Variants in KAT6B observed in about 807,000 individuals in gnomAD.
KAT6B encodes histone acetyltransferase KAT6B.
In KAT6B, 10 loss-of-function variants were observed where a neutral mutation model predicts 187.5. The observed-to-expected ratio is 0.05, with a 90% CI of 0.03 to 0.09. KAT6B has a LOEUF of 0.09. Ranked by LOEUF, KAT6B falls within the 10% of genes least tolerant of loss-of-function variation. KAT6B has a pLI of 1.00. For synonymous variants in KAT6B, 861 were observed against 926.8 expected, an observed-to-expected ratio of 0.93 and a Z score of 1.29; for missense variants, 1,952 against 2,558.9, an observed-to-expected ratio of 0.76 and a Z score of 5.12.
chr10:74,924,888 A>G (rs1279299128), intron 3 of KAT6B, among the ~76,000 whole-genome samples: 1 of 151,886 alleles, frequency 6.6e-6, no homozygotes, highest in Non-Finnish European at 1.5e-5. Context: ...TCAGTTTGCT[A>G]TACTGAATTT....
intron 3 of KAT6B, among the ~76,000 whole-genome samples, chr10:74,847,907 T>C (rs1412412237): frequency 6.7e-6 from 1 of 149,860 alleles, no homozygotes; most frequent in Non-Finnish European, 1.5e-5. Context: ...TCTTTTTTTT[T>C]CTTTTTCTTT....
At chr10:75,012,321 C>G (rs1844665841) in intron 13 of KAT6B, among the ~76,000 whole-genome samples, 2 of 152,162 alleles carry the variant, frequency 1.3e-5, no homozygotes, top group South Asian at 2.1e-4. Flanking sequence ...GTGGTATGCA[C>G]TTGTTGTCCC....
intron 3 of KAT6B, among the ~76,000 whole-genome samples, chr10:74,938,259 G>A (rs1849405498): frequency 6.6e-6 from 1 of 152,152 alleles, no homozygotes; most frequent in Admixed American, 6.5e-5. Flanking sequence ...CACTGTATCA[G>A]AATCTGCATT....
At chr10:74,952,747 C>T (rs1376638171) in intron 3 of KAT6B, among the ~76,000 whole-genome samples, 17 of 150,434 alleles carry the variant, frequency 1.1e-4, no homozygotes, top group South Asian at 2.1e-4. Flanking sequence ...AGTATAATGG[C>T]GCGGTCTTGG....
chr10:74,997,766 CAG>C (rs1338353378), intron 13 of KAT6B, among the ~76,000 whole-genome samples: 1 of 151,808 alleles, frequency 6.6e-6, no homozygotes, highest in Admixed American at 6.6e-5. Context: ...GGAACTTTGA[CAG>C]TGTGTATCAA....
chr10:74,900,796 G>T (rs886996564), intron 3 of KAT6B, among the ~76,000 whole-genome samples: 9 of 152,218 alleles, frequency 5.9e-5, no homozygotes, highest in African/African-American at 1.9e-4. Context: ...AACAGCGTAA[G>T]AATTATTCAT....
chr10:74,997,797 T>C (rs563296875), intron 13 of KAT6B, among the ~76,000 whole-genome samples: 1 of 152,252 alleles, frequency 6.6e-6, no homozygotes, highest in Admixed American at 6.5e-5. Context: ...AATGGTTTTT[T>C]TTTTTAATAA....
intron 3 of KAT6B, among the ~76,000 whole-genome samples, chr10:74,958,844 C>T (rs1172177962): frequency 6.6e-6 from 1 of 151,602 alleles, no homozygotes; most frequent in Non-Finnish European, 1.5e-5. Flanking sequence ...TCGAGACCAT[C>T]CTGACCAACA....
At chr10:74,944,739 G>A (rs953509331) in intron 3 of KAT6B, among the ~76,000 whole-genome samples, 6 of 150,476 alleles carry the variant, frequency 4.0e-5, no homozygotes, top group African/African-American at 1.5e-4. Context: ...AGCCCAGGGG[G>A]CGGAGCTTGC....
chr10:74,895,792 G>C (rs1450672746), intron 3 of KAT6B, among the ~76,000 whole-genome samples: 5 of 152,082 alleles, frequency 3.3e-5, no homozygotes, highest in African/African-American at 1.2e-4. Context: ...GGGATTATAG[G>C]CATGAGCCAC....
At chr10:74,893,632 G>C (rs904386806) in intron 3 of KAT6B, among the ~76,000 whole-genome samples, 9 of 151,842 alleles carry the variant, frequency 5.9e-5, no homozygotes, top group African/African-American at 2.2e-4. Context: ...ACCACGCCCA[G>C]CTAATTTTTG....
intron 3 of KAT6B, among the ~76,000 whole-genome samples, chr10:74,934,186 CAAAAAAAA>C (rs386371842): frequency 4.3e-5 from 3 of 69,392 alleles, no homozygotes; most frequent in African/African-American, 1.3e-4. Context: ...ACTCCGTCTC[CAAAAAAAA>C]AAAAAAAAAA....
At position 75,030,250 on chromosome 10, in the gene KAT6B, C is replaced by T. The variant is rs780359970; in HGVS notation, c.5426C>T (p.Pro1809Leu). Residue 1809 changes from proline to leucine, a missense_variant, in exon 18 of 18, where the codon CCG (proline) becomes CTG (leucine). By Grantham distance (98) the Pro-to-Leu change is moderately conservative. Around this residue, in one of 9 missense-constraint regions of KAT6B, gnomAD observed 358 missense variants for 436.3 expected, o/e 0.82. Transcript: ENST00000287239. The surrounding 1 kb of genome is among the most constrained non-coding windows in gnomAD (Gnocchi z 4.8). ...GQSDFGAGHY[P>L]QPSATFSLAK... ...AGTGATTTTGGGGCTGGGCATTACC[C>T]GCAGCCGTCAGCCACCTTCAGCCTT... The T allele has an allele frequency of 5.6e-6, 9 of 1,614,106 alleles. No homozygotes were observed. The highest frequency in any genetic ancestry group is 1.3e-5 in the African/African-American group (1 of 74,944).
In KAT6B at chr10:75,021,026, C is replaced by T. The variant is rs974773329; in HGVS notation, c.2862-100C>T. Reference sequence around the variant, plus strand: ...CTCATTGAGGTGCTTTCTGATTTTTCCTAACGCAGATAACATTAGTGCTAG... The same window carrying T: ...CTCATTGAGGTGCTTTCTGATTTTTTCTAACGCAGATAACATTAGTGCTAG... On this transcript the variant is annotated intron_variant, in intron 14 of 17. Coordinates refer to ENST00000287239, the MANE Select transcript of KAT6B (RefSeq NM_012330.4). 16 of 1,233,674 alleles carry T rather than the reference C, an allele frequency of 1.3e-5. 1 individual carries two copies. The South Asian group carries it at 1.3e-4, about 10-fold the overall frequency. 76.4% of individuals were successfully genotyped at this position (1,233,674 alleles called of 1,614,324 possible). A position where few individuals can be genotyped will look rare whatever the true frequency, so the allele number is the denominator to read the frequency against.
At chr10:74,859,659 G>A (rs1843042319) in intron 3 of KAT6B, among the ~76,000 whole-genome samples, 1 of 152,192 alleles carries the variant, frequency 6.6e-6, no homozygotes, top group Admixed American at 6.5e-5. Flanking sequence ...AGAATAACTA[G>A]TTAGCTTAAT....
chr10:74,948,166 A>C (rs1222834597), intron 3 of KAT6B, among the ~76,000 whole-genome samples: 1 of 152,258 alleles, frequency 6.6e-6, no homozygotes, highest in Non-Finnish European at 1.5e-5. Context: ...AGTCAGGAGC[A>C]TGGAAATTCT....
At chr10:75,012,619 G>A (rs896376828) in intron 13 of KAT6B, among the ~76,000 whole-genome samples, 13 of 152,160 alleles carry the variant, frequency 8.5e-5, no homozygotes, top group African/African-American at 1.9e-4. Context: ...TCAACACAGG[G>A]GCGGTGCAGA....
At chr10:74,854,366 A>G (rs1842681171) in intron 3 of KAT6B, among the ~76,000 whole-genome samples, 1 of 152,218 alleles carries the variant, frequency 6.6e-6, no homozygotes, top group African/African-American at 2.4e-5. Context: ...GGGCAGAAGC[A>G]CTTTACCAGA....
chr10:74,968,928 G>A (rs1841668030), intron 4 of KAT6B, among the ~76,000 whole-genome samples: 1 of 152,122 alleles, frequency 6.6e-6, no homozygotes, highest in African/African-American at 2.4e-5. Flanking sequence ...CTGGTGTGTG[G>A]AGCGCTGCTA....
Sources: allele counts gnomAD v4.1 joint callset (sites outside exome capture counted in the v4.1 genomes callset), GRCh38; gene constraint gnomAD v4.1.1; regional missense constraint gnomAD v4.1.1; non-coding constraint Gnocchi (gnomAD v3.1); transcripts MANE v1.5; gene names NCBI Gene and HGNC (gene_info 2026-07-23, HGNC 2026-07-21).